SLIT1: variants seen among roughly 807,000 people sequenced by gnomAD.
SLIT1 encodes the protein slit guidance ligand 1, also known as slit homolog 1 protein.
A neutral mutation model predicts 186.1 loss-of-function variants in SLIT1; 66 were observed. That is an observed-to-expected ratio of 0.35 (90% CI 0.29 to 0.44). The LOEUF (loss-of-function observed/expected upper bound fraction) is 0.44. SLIT1 is among the 20% of genes least tolerant of loss of function. The pLI, the probability that SLIT1 is intolerant of heterozygous loss-of-function variation, is 1.00. For missense variants in SLIT1, 1,638 were observed against 2,037.4 expected (o/e 0.80, Z 3.77); for synonymous variants, 761 against 833.8 (o/e 0.91, Z 1.50).
Position 97,021,037 on chromosome 10 carries a change from G to A in SLIT1, c.2746+213C>T, listed in dbSNP as rs1166943144. ...TTATGTAACCACAGGGAGGGATTAC[G>A]GCCCTGACGGCCTGGGATTTTTCTG... On this transcript the variant is annotated intron_variant, in intron 26 of 36. Coordinates refer to ENST00000266058, the MANE Select transcript of SLIT1 (RefSeq NM_003061.3). This position sits in a 1 kb window ranked among gnomAD's most constrained non-coding sequence, Gnocchi z 4.5. Among the ~76,000 whole-genome samples the A allele has an allele frequency of 1.3e-5, 2 of 152,236 alleles. No homozygotes were observed. The highest frequency in any genetic ancestry group is 2.9e-5 in the Non-Finnish European group (2 of 68,050).
At chr10:97,185,222 AGTGCAGG>A (rs948799812) in intron 1 of SLIT1, among the ~76,000 whole-genome samples, 11 of 152,246 alleles carry the variant, frequency 7.2e-5, no homozygotes, top group African/African-American at 2.7e-4. Context: ...GAGGGTGCGG[AGTGCAGG>A]GTGCAGGGTG....
rs543512859 is a variant in SLIT1, at chr10:97,059,451, G to A, written c.1085+9C>T. On this transcript the variant is annotated intron_variant, in intron 11 of 36. Coordinates refer to ENST00000266058, the MANE Select transcript of SLIT1 (RefSeq NM_003061.3). ...GGGCCACTGAGGAAGCCTTGGCACT[G>A]CTACTCACAGCGAGTTCAGGGAGCG... 4 of 1,611,892 alleles carry A rather than the reference G, an allele frequency of 2.5e-6. No individual in the cohort carries two copies. The highest frequency in any genetic ancestry group is 1.7e-6 in the Non-Finnish European group (2 of 1,178,630).
intron 12 of SLIT1, among the ~76,000 whole-genome samples, chr10:97,056,763 G>C (rs111894173): frequency 1.2e-4 from 8 of 64,286 alleles, no homozygotes; most frequent in African/African-American, 5.0e-4. Flanking sequence ...GGCATTTTTG[G>C]GGGGGGCTCC....
At chr10:97,176,796 T>A (rs1034515188) in intron 1 of SLIT1, among the ~76,000 whole-genome samples, 1 of 152,118 alleles carries the variant, frequency 6.6e-6, no homozygotes, top group Non-Finnish European at 1.5e-5. Flanking sequence ...TCGGCCCAGG[T>A]TCAAATCCAC....
chr10:97,049,777 A>T (rs1023690244), intron 13 of SLIT1, among the ~76,000 whole-genome samples: 11 of 152,236 alleles, frequency 7.2e-5, no homozygotes, highest in African/African-American at 2.7e-4. Flanking sequence ...AAAACTCAGA[A>T]ATCATGACTG....
rs1289211544 is a variant in SLIT1 at position 97,018,673 on chromosome 10, C to T, written c.2882G>A (p.Cys961Tyr). The T allele has an allele frequency of 6.3e-7, 1 of 1,582,404 alleles. No homozygotes were observed. Among genetic ancestry groups the T allele is most frequent in the East Asian group, 2.3e-5 (1 of 43,220 alleles). ...ACPSGYKGRD[C>Y]EVSLDSCSSG... is the part of the protein sequence containing the mutation. ...GGAACAGCTGTCCAGGGACACCTCA[C>T]AGTCTCGACCCTGGGGGGAAAGTCA... Residue 961 changes from cysteine (C) to tyrosine (Y), a missense_variant, in exon 28 of 37, where the codon TGT becomes TAT. Physicochemically the swap from Cys to Tyr is radical, Grantham distance 194. Around this residue, in one of 3 missense-constraint regions of SLIT1, gnomAD observed 1,245 missense variants for 1,535.3 expected, o/e 0.81. Coordinates refer to ENST00000266058, the MANE Select transcript of SLIT1 (RefSeq NM_003061.3).
rs570441119 is a variant in SLIT1, at chr10:97,110,025, A to G, written c.414-43939T>C. Reference sequence around the variant, plus strand: ...AGGGCCCAAACAGAGCAAAGGATCAATCCCTTATTCATTGACCCACTGTCC... The same window carrying G: ...AGGGCCCAAACAGAGCAAAGGATCAGTCCCTTATTCATTGACCCACTGTCC... On this transcript the variant is annotated intron_variant, in intron 4 of 36. Coordinates refer to ENST00000266058, the MANE Select transcript of SLIT1 (RefSeq NM_003061.3). Among the ~76,000 whole-genome samples, 16 of 152,336 alleles carry G rather than the reference A, an allele frequency of 1.1e-4. No individual in the cohort carries two copies. In the East Asian group the frequency reaches 2.9e-3, roughly 28 times the overall value.
chr10:97,109,627 T>C (rs1849446250), intron 4 of SLIT1, among the ~76,000 whole-genome samples: 1 of 152,230 alleles, frequency 6.6e-6, no homozygotes, highest in Non-Finnish European at 1.5e-5. Flanking sequence ...CGATGGAGTT[T>C]GGATATTAAC....
At position 97,184,869 on chromosome 10, in the gene SLIT1, G is replaced by C. The variant is rs1179330342; in HGVS notation, c.197+609C>G. Among the ~76,000 whole-genome samples the C allele has an allele frequency of 2.0e-5, 3 of 152,208 alleles. No homozygotes were observed. The highest frequency in any genetic ancestry group is 6.5e-5 in the Admixed American group (1 of 15,284). On this transcript the variant is annotated intron_variant, in intron 1 of 36. Transcript: ENST00000266058. The surrounding 1 kb of genome is among the most constrained non-coding windows in gnomAD (Gnocchi z 4.4). Reference sequence around the variant, plus strand: ...AGCCCTCAGGTCCCATTGTCTGCCTGTGTTGGGGATGGCTGGGTGTGGAGG... The same window carrying C: ...AGCCCTCAGGTCCCATTGTCTGCCTCTGTTGGGGATGGCTGGGTGTGGAGG...
chr10:97,067,181 C>T (rs928511020), intron 4 of SLIT1, among the ~76,000 whole-genome samples: 1 of 152,182 alleles, frequency 6.6e-6, no homozygotes, highest in Admixed American at 6.5e-5. Context: ...GCTGGGATCA[C>T]TGAGGACTTC....
chr10:97,107,832 G>A (rs1344489932), intron 4 of SLIT1, among the ~76,000 whole-genome samples: 5 of 152,028 alleles, frequency 3.3e-5, no homozygotes, highest in Non-Finnish European at 7.4e-5. Flanking sequence ...CCGGGCTGGG[G>A]ACAGAGAGGT....
intron 1 of SLIT1, among the ~76,000 whole-genome samples, chr10:97,166,367 A>G (rs1181263454): frequency 6.6e-6 from 1 of 151,382 alleles, no homozygotes; most frequent in Non-Finnish European, 1.5e-5. Context: ...ATACAAAAAA[A>G]TTATCGGGCA....
At chr10:97,063,263 T>TGGGG (rs1410270339) in intron 8 of SLIT1, among the ~76,000 whole-genome samples, 192 bp downstream of exon 8, 1 of 130,200 alleles carries the variant, frequency 7.7e-6, no homozygotes, top group Non-Finnish European at 1.6e-5. Context: ...AGGTGATGGA[T>TGGGG]GGGGCAGGAG....
chr10:97,067,872 C>T (rs929450725), intron 4 of SLIT1, among the ~76,000 whole-genome samples: 1 of 152,178 alleles, frequency 6.6e-6, no homozygotes, highest in Non-Finnish European at 1.5e-5. Context: ...CAGCCCCTCA[C>T]CCCACAGGGT....
At chr10:97,032,933 C>G (rs746884947) in intron 23 of SLIT1, among the ~76,000 whole-genome samples, 105 of 152,192 alleles carry the variant, frequency 6.9e-4, no homozygotes, top group Non-Finnish European at 1.2e-3. Context: ...ATGTAAAACC[C>G]TAGAAAATGC....
rs143185522 is a variant in SLIT1, at chr10:97,135,774, C to T, written c.413+22044G>A. Among the ~76,000 whole-genome samples, 636 of 152,308 alleles carry T rather than the reference C, an allele frequency of 4.2e-3. 6 individuals carry two copies. Among genetic ancestry groups the T allele is most frequent in the African/African-American group, 0.015 (606 of 41,564 alleles). On this transcript the variant is annotated intron_variant, in intron 4 of 36. Coordinates refer to ENST00000266058, the MANE Select transcript of SLIT1 (RefSeq NM_003061.3). ...AAACAGCCACGGATGGTCCCGTTTC[C>T]GAAAAGGACAATGACAGAGACCAGG...
At chr10:97,034,595 C>T (rs1278049416) in intron 22 of SLIT1, 53 bp from the exon 23 acceptor site, 1 of 1,492,020 alleles carries the variant, frequency 6.7e-7, no homozygotes, top group Non-Finnish European at 9.3e-7. Flanking sequence ...AGCCCTGGCT[C>T]ACATTCACGG....
Position 97,002,285 on chromosome 10 carries a change from G to C in SLIT1, c.4239C>G (p.Asn1413Lys). The change falls in exon 36 of 37, where the codon AAC becomes AAG. Residue 1413 changes from asparagine (N) to lysine (K), a missense_variant. Asn to Lys is a moderately conservative substitution (Grantham distance 94). Coordinates refer to ENST00000266058, the MANE Select transcript of SLIT1 (RefSeq NM_003061.3). ...CQDGYSGALC[N>K]QAGALAEPCR... ...AGGGCTCTGCCAGGGCCCCGGCCTGGTTGCACAGTGCCCCCGAGTACCCAT... is the reference window on the plus strand; with the variant it reads ...AGGGCTCTGCCAGGGCCCCGGCCTGCTTGCACAGTGCCCCCGAGTACCCAT... 1 of 1,610,354 alleles carries C rather than the reference G, an allele frequency of 6.2e-7. No homozygotes were observed. Among genetic ancestry groups the C allele is most frequent in the South Asian group, 1.1e-5 (1 of 90,480 alleles).
intron 4 of SLIT1, among the ~76,000 whole-genome samples, chr10:97,086,274 A>G (rs774744257): frequency 3.3e-5 from 5 of 152,214 alleles, no homozygotes; most frequent in African/African-American, 4.8e-5. Flanking sequence ...TTCAGTGATA[A>G]AAAGAAATGA....
Sources: allele counts gnomAD v4.1 joint callset (sites outside exome capture counted in the v4.1 genomes callset), GRCh38; gene constraint gnomAD v4.1.1; regional missense constraint gnomAD v4.1.1; non-coding constraint Gnocchi (gnomAD v3.1); transcripts MANE v1.5; gene names NCBI Gene and HGNC (gene_info 2026-07-23, HGNC 2026-07-21).